The following ITGB8 variants were observed in gnomAD, a reference collection of about 807,000 sequenced individuals.
ITGB8 encodes the protein integrin beta-8.
Under a neutral mutation model 89.5 loss-of-function variants are expected in ITGB8, and 30 were observed. The ratio of observed to expected loss-of-function variants is 0.34; its 90% CI spans 0.25 to 0.45. ITGB8 has a LOEUF of 0.45. Among genes scored for constraint, ITGB8 ranks in the 20% least tolerant of loss-of-function variants. The pLI is 1.00. For missense variants in ITGB8, 836 were observed against 933.3 expected (o/e 0.90, Z 1.36); for synonymous variants, 335 against 320.4 (o/e 1.05, Z -0.49).
At chr7:20,390,361 C>T (rs918790675) in intron 6 of ITGB8, among the ~76,000 whole-genome samples, 1 of 152,012 alleles carries the variant, frequency 6.6e-6, no homozygotes, top group African/African-American at 2.4e-5. Context: ...TTATTCGAGA[C>T]AATCATTTTA....
rs116808904 is a variant in ITGB8 at position 20,400,541 on chromosome 7, G to A, written c.1282-1180G>A. Among the ~76,000 whole-genome samples the A allele has an allele frequency of 1.9e-3, 296 of 152,074 alleles. 2 individuals are homozygous for A. Among genetic ancestry groups the A allele is most frequent in the African/African-American group, 6.8e-3 (283 of 41,486 alleles). On this transcript the variant is annotated intron_variant, in intron 9 of 13. Transcript: ENST00000222573. ...ATATATTCCAACCAAAAAGCTCAGC[G>A]CAAATTAATTTTAAATTGTAATGGA...
At chr7:20,382,308 AAAGAC>A (rs1786431695) in intron 6 of ITGB8, among the ~76,000 whole-genome samples, 1 of 152,200 alleles carries the variant, frequency 6.6e-6, no homozygotes, top group Non-Finnish European at 1.5e-5. Flanking sequence ...ACCAGGGAAA[AAAGAC>A]AAGAGAGAAA....
In ITGB8 at chr7:20,344,389, A is replaced by G. The variant is rs139019246; in HGVS notation, c.127+12456A>G. 4.4e-3 allele frequency among the ~76,000 whole-genome samples: 667 copies of G among 152,314 alleles called. 5 individuals carry two copies. The highest frequency in any genetic ancestry group is 0.015 in the African/African-American group (634 of 41,572). ...TACATATGGTCCACCTTTTCTAGGC[A>G]TAGTGTATTTTGCGAGATGGTCTTA... is the stretch of plus-strand genomic sequence containing the variant. On this transcript the variant is annotated intron_variant, in intron 1 of 13. Coordinates refer to ENST00000222573, the MANE Select transcript of ITGB8 (RefSeq NM_002214.3).
chr7:20,343,950 C>T (rs893149552), intron 1 of ITGB8, among the ~76,000 whole-genome samples: 1 of 152,140 alleles, frequency 6.6e-6, no homozygotes, highest in Admixed American at 6.5e-5. Flanking sequence ...TTGAAAAAGG[C>T]CTTGCAGTTA....
intron 1 of ITGB8, among the ~76,000 whole-genome samples, chr7:20,336,075 G>A (rs1294241090): frequency 2.3e-5 from 3 of 130,996 alleles, no homozygotes; most frequent in African/African-American, 8.8e-5. Context: ...GTGCGATCTC[G>A]GCCCACTGCA....
chr7:20,400,329 A>G (rs1474321420), intron 9 of ITGB8, among the ~76,000 whole-genome samples: 1 of 152,182 alleles, frequency 6.6e-6, no homozygotes, highest in Non-Finnish European at 1.5e-5. Context: ...ACCCCAGAGT[A>G]TGATCTACTG....
rs993922007 is a variant in ITGB8 at position 20,371,918 on chromosome 7, A to C, written c.388+4732A>C. On this transcript the variant is annotated intron_variant, in intron 3 of 13. Coordinates refer to ENST00000222573, the MANE Select transcript of ITGB8 (RefSeq NM_002214.3). The stretch of plus-strand genomic sequence containing the variant: ...TCATTAGTCAACCATGCCTGCTTTC[A>C]TTCTTTTTAATGTCTGCTATTTGTT... 2.0e-5 allele frequency among the ~76,000 whole-genome samples: 3 copies of C among 152,280 alleles called. No individual in the cohort carries two copies. The South Asian group carries it at 6.2e-4, about 32-fold the overall frequency.
rs1387051017 is a variant in ITGB8 at position 20,390,874 on chromosome 7, G to A, written c.961-529G>A. On this transcript the variant is annotated intron_variant, in intron 6 of 13. Coordinates refer to ENST00000222573, the MANE Select transcript of ITGB8 (RefSeq NM_002214.3). ...AGAGCATTTCCTGCTTCTAAAGAGC[G>A]TTACTATATCATGTTATATATATAT... Among the ~76,000 whole-genome samples the A allele has an allele frequency of 4.6e-5, 7 of 151,782 alleles. No individual in the cohort carries two copies. In the South Asian group the frequency reaches 8.3e-4, roughly 18 times the overall value.
chr7:20,381,605 C>T, intron 5 of ITGB8, 122 bp from the exon 6 acceptor site: 2 of 674,108 alleles, frequency 3.0e-6, no homozygotes, highest in East Asian at 2.7e-5. Context: ...GCGTTGTACC[C>T]ACGCACATCG....
At position 20,409,745 on chromosome 7, in the gene ITGB8, C is replaced by T. The variant is rs2127988958; in HGVS notation, c.2154C>T (p.Ser718=). ...ILQWNSNKIK[S]SSDYRVSASK... is the part of the protein sequence containing the mutation. ...AATGGAATAGTAATAAAATTAAGTC[C>T]TCATCAGATTACAGAGTGTCAGCCT... Residue 718 remains serine, a synonymous_variant, in exon 13 of 14, where the codon TCC becomes TCT. Coordinates refer to ENST00000222573, the MANE Select transcript of ITGB8 (RefSeq NM_002214.3). 1.9e-6 allele frequency: 3 copies of T among 1,612,772 alleles called. No individual in the cohort carries two copies. Among genetic ancestry groups the T allele is most frequent in the Non-Finnish European group, 2.5e-6 (3 of 1,179,298 alleles).
Position 20,331,949 on chromosome 7 carries a change from T to A in ITGB8, c.127+16T>A. ...GGCCAAGGTGGTAAGTTGTTTTGTT[T>A]TGTTTTGTTTTCTTCTCTTCCCCAA... On this transcript the variant is annotated intron_variant, in intron 1 of 13. Coordinates refer to ENST00000222573, the MANE Select transcript of ITGB8 (RefSeq NM_002214.3). 6.2e-7 allele frequency: 1 copy of A among 1,613,462 alleles called. No homozygotes were observed. Among genetic ancestry groups the A allele is most frequent in the East Asian group, 2.2e-5 (1 of 44,882 alleles).
intron 1 of ITGB8, among the ~76,000 whole-genome samples, chr7:20,344,651 G>A (rs1562653760): frequency 6.6e-6 from 1 of 152,196 alleles, no homozygotes; most frequent in African/African-American, 2.4e-5. Flanking sequence ...GTGCAGAATG[G>A]CCAGAGGAGC....
chr7:20,354,525 C>T (rs989325710), intron 1 of ITGB8, among the ~76,000 whole-genome samples: 7 of 152,170 alleles, frequency 4.6e-5, no homozygotes, highest in Admixed American at 3.3e-4. Flanking sequence ...TTTCCTTTCA[C>T]ATCAGACCCA....
In ITGB8 at chr7:20,406,095, G is replaced by A. The variant is rs199863615; in HGVS notation, c.1947G>A (p.Leu649=). The A allele has an allele frequency of 3.1e-6, 5 of 1,612,318 alleles. No individual in the cohort carries two copies. The highest frequency in any genetic ancestry group is 4.2e-6 in the Non-Finnish European group (5 of 1,178,676). ...NCMQCLHPHN[L]SQAILDQCKT... The stretch of plus-strand genomic sequence containing the variant: ...TGCAATGCCTTCACCCTCACAATTT[G>A]TCTCAGGCTATACTTGATCAGTGCA... The change falls in exon 12 of 14, where the codon TTG becomes TTA. Residue 649 remains leucine (L), a synonymous_variant. Transcript: ENST00000222573.
chr7:20,383,290 CTA>C (rs1426905737), intron 6 of ITGB8, among the ~76,000 whole-genome samples: 1 of 152,182 alleles, frequency 6.6e-6, no homozygotes. Flanking sequence ...TAAAAGGTAA[CTA>C]GAGATTGAAT....
At chr7:20,393,157 C>T (rs1786931536) in intron 7 of ITGB8, among the ~76,000 whole-genome samples, 2 of 152,188 alleles carry the variant, frequency 1.3e-5, no homozygotes, top group African/African-American at 4.8e-5. Flanking sequence ...CTTTGAAATA[C>T]CATGCAGCTT....
At chr7:20,379,875 CAT>C (rs1786305768) in intron 4 of ITGB8, 1 of 152,160 alleles carries the variant, frequency 6.6e-6, no homozygotes, top group Non-Finnish European at 1.5e-5. Flanking sequence ...TTCTAAATAA[CAT>C]ATGTCCCACT....
intron 3 of ITGB8, among the ~76,000 whole-genome samples, chr7:20,374,160 T>C (rs1186095491): frequency 6.6e-6 from 1 of 152,208 alleles, no homozygotes; most frequent in African/African-American, 2.4e-5. Flanking sequence ...ATGATACTCT[T>C]TTCCTCTTAG....
At chr7:20,396,944 C>T (rs1171262433) in intron 8 of ITGB8, among the ~76,000 whole-genome samples, 1 of 152,160 alleles carries the variant, frequency 6.6e-6, no homozygotes, top group African/African-American at 2.4e-5. Context: ...GGGCTAACTA[C>T]TCTCCTTAAG....
Sources: gnomAD v4.1 joint callset for allele counts (sites outside exome capture counted in the v4.1 genomes callset) on GRCh38, gnomAD v4.1.1 for gene constraint, MANE v1.5 for transcripts, NCBI Gene and HGNC (gene_info 2026-07-23, HGNC 2026-07-21) for gene names.